TNFAIP8L3: variants seen among roughly 807,000 people sequenced by gnomAD.
The protein encoded by TNFAIP8L3 is TNF alpha induced protein 8 like 3.
In TNFAIP8L3, 7 loss-of-function variants were observed where a neutral mutation model predicts 11.8. That is an observed-to-expected ratio of 0.59 (90% CI 0.34 to 1.11). TNFAIP8L3 has a LOEUF of 1.11. Among genes scored for constraint, TNFAIP8L3 ranks in the 50% most tolerant of loss-of-function variants. The pLI is 0.03. For synonymous variants in TNFAIP8L3, 98 were observed against 103.8 expected, an observed-to-expected ratio of 0.94 and a Z score of 0.34; for missense variants, 219 against 258.6, an observed-to-expected ratio of 0.85 and a Z score of 1.05.
chr15:51,063,174 T>G (rs2065250959), intron 1 of TNFAIP8L3, among the ~76,000 whole-genome samples: 1 of 152,188 alleles, frequency 6.6e-6, no homozygotes, highest in Non-Finnish European at 1.5e-5. Flanking sequence ...AATGATAAAT[T>G]GGTGTCTTAA....
Position 51,058,067 on chromosome 15 carries a change from G to C in TNFAIP8L3, c.429C>G (p.Asp143Glu). ...VLSNLLHECK[D>E]LVHELVQRHL... is the part of the protein sequence containing the mutation. Reference sequence around the variant, plus strand: ...GCCGCTGCACCAGTTCATGCACCAGGTCCTTGCACTCATGCAGGAGATTGG... The same window carrying C: ...GCCGCTGCACCAGTTCATGCACCAGCTCCTTGCACTCATGCAGGAGATTGG... Residue 143 changes from aspartate to glutamate, a missense_variant, in exon 2 of 2, where the codon GAC becomes GAG. Transcript: ENST00000637513. The C allele has an allele frequency of 6.2e-7, 1 of 1,614,160 alleles. No individual in the cohort carries two copies. The highest frequency in any genetic ancestry group is 8.5e-7 in the Non-Finnish European group (1 of 1,180,014).
intron 1 of TNFAIP8L3, 108 bp from the exon 2 acceptor site, chr15:51,058,551 T>A (rs1259032515): frequency 9.4e-7 from 1 of 1,064,412 alleles, no homozygotes; most frequent in South Asian, 1.8e-5. Flanking sequence ...GAGCAAAAAC[T>A]CATGTCTTTA....
chr15:51,096,540 T>C (rs1256162159), upstream of TNFAIP8L3, among the ~76,000 whole-genome samples: 2 of 152,220 alleles, frequency 1.3e-5, no homozygotes, highest in Non-Finnish European at 2.9e-5. Flanking sequence ...AATTTTTAGA[T>C]TGAATGGATC....
chr15:51,098,233 G>C (rs1012326385), upstream of TNFAIP8L3, among the ~76,000 whole-genome samples: 3 of 152,190 alleles, frequency 2.0e-5, no homozygotes, highest in Non-Finnish European at 4.4e-5. Flanking sequence ...GTCTCCTCTT[G>C]TGGGATGGAA....
rs980162040 is a variant in TNFAIP8L3 at position 51,094,281 on chromosome 15, C to G, written c.52+263G>C. 6.6e-6 allele frequency among the ~76,000 whole-genome samples: 1 copy of G among 152,224 alleles called. No individual in the cohort carries two copies. The highest frequency in any genetic ancestry group is 2.4e-5 in the African/African-American group (1 of 41,458). On this transcript the variant is annotated intron_variant, in intron 1 of 1. Transcript: ENST00000637513. This position sits in a 1 kb window ranked among gnomAD's most constrained non-coding sequence, Gnocchi z 4.4. Reference sequence around the variant, plus strand: ...GGATTCCCGAACCCTTCCCCGCCCCCACCCAGCCCGGGCGACCAGAGCCCG... The same window carrying G: ...GGATTCCCGAACCCTTCCCCGCCCCGACCCAGCCCGGGCGACCAGAGCCCG...
intron 1 of TNFAIP8L3, among the ~76,000 whole-genome samples, chr15:51,086,481 G>C (rs1480940708): frequency 6.6e-6 from 1 of 152,230 alleles, no homozygotes; most frequent in African/African-American, 2.4e-5. Flanking sequence ...TAAGGGTTAG[G>C]GTTCTGGGAA....
chr15:51,089,231 C>T (rs1343876065), intron 1 of TNFAIP8L3, among the ~76,000 whole-genome samples: 1 of 152,214 alleles, frequency 6.6e-6, no homozygotes, highest in Non-Finnish European at 1.5e-5. Context: ...ATTCATCCAT[C>T]CATCCATCCG....
intron 1 of TNFAIP8L3, among the ~76,000 whole-genome samples, chr15:51,085,481 G>A (rs542760683): frequency 6.6e-6 from 1 of 152,314 alleles, no homozygotes; most frequent in East Asian, 1.9e-4. Flanking sequence ...TCTGACCTGT[G>A]GCAAATGGGC....
At chr15:51,099,312 C>A (rs2065534206), upstream of TNFAIP8L3, among the ~76,000 whole-genome samples, 1 of 152,066 alleles carries the variant, frequency 6.6e-6, no homozygotes, top group Non-Finnish European at 1.5e-5. Flanking sequence ...AGGCTGGCAA[C>A]TTTGGCATCC....
At chr15:51,076,616 G>T (rs2065352193) in intron 1 of TNFAIP8L3, among the ~76,000 whole-genome samples, 1 of 152,214 alleles carries the variant, frequency 6.6e-6, no homozygotes, top group Non-Finnish European at 1.5e-5. Context: ...CAATCAAGAT[G>T]CCAGGGTGTA....
intron 1 of TNFAIP8L3, among the ~76,000 whole-genome samples, chr15:51,068,306 G>A (rs1474207550): frequency 6.6e-6 from 1 of 152,074 alleles, no homozygotes; most frequent in Non-Finnish European, 1.5e-5. Context: ...CAGCCTGTAG[G>A]GAAGATGAAT....
At chr15:51,091,335 A>T (rs2065468066) in intron 1 of TNFAIP8L3, among the ~76,000 whole-genome samples, 1 of 152,214 alleles carries the variant, frequency 6.6e-6, no homozygotes, top group Non-Finnish European at 1.5e-5. Flanking sequence ...AAAGTAGTAC[A>T]GTAAAAAGTG....
intron 1 of TNFAIP8L3, among the ~76,000 whole-genome samples, chr15:51,076,050 T>A (rs891174527): frequency 6.6e-6 from 1 of 152,122 alleles, no homozygotes; most frequent in African/African-American, 2.4e-5. Flanking sequence ...TCCTGAACAA[T>A]GACATTTTTG....
upstream of TNFAIP8L3, among the ~76,000 whole-genome samples, chr15:51,096,709 T>C (rs920717023): frequency 1.3e-5 from 2 of 151,910 alleles, no homozygotes; most frequent in African/African-American, 2.4e-5. Flanking sequence ...CTGACCAACA[T>C]GGAGAAACTC....
chr15:51,067,143 G>A (rs2065276788), intron 1 of TNFAIP8L3, among the ~76,000 whole-genome samples: 2 of 152,150 alleles, frequency 1.3e-5, no homozygotes, highest in East Asian at 1.9e-4. Flanking sequence ...GCACTTCTGA[G>A]GCTTACAAAA....
chr15:51,068,803 G>C (rs28578999), intron 1 of TNFAIP8L3, among the ~76,000 whole-genome samples: 1 of 151,846 alleles, frequency 6.6e-6, no homozygotes, highest in Admixed American at 6.6e-5. Context: ...AGTAAGCTGA[G>C]ATTACAGGTG....
At chr15:51,104,538 T>C (rs1429144495) in intron 1 of TNFAIP8L3, among the ~76,000 whole-genome samples, 1 of 152,208 alleles carries the variant, frequency 6.6e-6, no homozygotes. Context: ...TGCTCCTGCG[T>C]GTCTTTCCCC....
intron 1 of TNFAIP8L3, among the ~76,000 whole-genome samples, chr15:51,079,092 T>A (rs2065374598): frequency 6.6e-6 from 1 of 152,228 alleles, no homozygotes; most frequent in South Asian, 2.1e-4. Context: ...GCCACTGAAC[T>A]GACATCTGTC....
chr15:51,093,737 C>A (rs2140982380), intron 1 of TNFAIP8L3, among the ~76,000 whole-genome samples: 1 of 152,178 alleles, frequency 6.6e-6, no homozygotes, highest in South Asian at 2.1e-4. Context: ...GGGGGCGGAG[C>A]GGACCGGTGG....
Sources: allele counts gnomAD v4.1 joint callset (sites outside exome capture counted in the v4.1 genomes callset), GRCh38; gene constraint gnomAD v4.1.1; non-coding constraint Gnocchi (gnomAD v3.1); transcripts MANE v1.5; gene names NCBI Gene and HGNC (gene_info 2026-07-23, HGNC 2026-07-21).